Variants in ELP4 observed in about 807,000 individuals in gnomAD.
ELP4 encodes elongator complex protein 4.
In ELP4, 51 loss-of-function variants were observed where a neutral mutation model predicts 48.9. The ratio of observed to expected loss-of-function variants is 1.04; its 90% CI spans 0.83 to 1.32. ELP4 has a LOEUF of 1.32. Among genes scored for constraint, ELP4 ranks in the 40% most tolerant of loss-of-function variants. The pLI is 0.00. For synonymous variants in ELP4, 210 were observed against 189.2 expected (o/e 1.11, Z -0.90); for missense variants, 519 against 514.6 (o/e 1.01, Z -0.08).
intron 3 of ELP4, among the ~76,000 whole-genome samples, chr11:31,543,781 T>G (rs1364718152): frequency 6.6e-6 from 1 of 152,166 alleles, no homozygotes; most frequent in African/African-American, 2.4e-5. Context: ...GAGGAAGTCT[T>G]TAAAATGCTA....
intron 6 of ELP4, 147 bp downstream of exon 6, chr11:31,627,341 C>T: frequency 1.9e-6 from 1 of 527,478 alleles, no homozygotes; most frequent in Non-Finnish European, 3.4e-6. Context: ...ATAAGCAGAG[C>T]ACAAGCAGCC....
At chr11:31,535,928 C>T (rs1956493634) in intron 2 of ELP4, among the ~76,000 whole-genome samples, 1 of 152,044 alleles carries the variant, frequency 6.6e-6, no homozygotes, top group African/African-American at 2.4e-5. Context: ...TATAGTCAGG[C>T]CTCTGTATTA....
chr11:31,591,389 G>A (rs928586755), intron 3 of ELP4, among the ~76,000 whole-genome samples: 3 of 105,846 alleles, frequency 2.8e-5, no homozygotes, highest in South Asian at 3.8e-4. Flanking sequence ...CTGGGTGACA[G>A]AGCGAGACTC....
intron 9 of ELP4, among the ~76,000 whole-genome samples, chr11:31,744,020 G>A (rs2134225563): frequency 6.6e-6 from 1 of 152,190 alleles, no homozygotes; most frequent in South Asian, 2.1e-4. Context: ...AGAAAAGAGA[G>A]AAGAATCAAA....
rs776621433 is a variant in ELP4 at position 31,594,777 on chromosome 11, C to T, written c.389C>T (p.Pro130Leu). Residue 130 changes from proline (P) to leucine (L), a missense_variant, in exon 4 of 10, where the codon CCA (proline) becomes CTA (leucine). By Grantham distance (98) the Pro-to-Leu change is moderately conservative. Coordinates refer to ENST00000640961, the MANE Select transcript of ELP4 (RefSeq NM_019040.5). The part of the protein sequence containing the change: ...EDPANILQEL[P>L]APLLDDKCKK... ...GTCATTTTGTTTTCTTAGGAACTTC[C>T]AGCACCATTACTTGATGATAAATGT... 13 of 1,512,826 alleles carry T rather than the reference C, an allele frequency of 8.6e-6. No individual in the cohort carries two copies. Among genetic ancestry groups the T allele is most frequent in the Middle Eastern group, 1.8e-4 (1 of 5,506 alleles). The allele number at this position is 1,512,826 out of a possible 1,614,324, so 93.7% of individuals were successfully genotyped here.
intron 9 of ELP4, among the ~76,000 whole-genome samples, chr11:31,674,520 T>G (rs1339601949): frequency 1.3e-5 from 2 of 152,176 alleles, no homozygotes; most frequent in Non-Finnish European, 2.9e-5. Context: ...CTAATTTGAA[T>G]AGAAGTCTAT....
chr11:31,782,636 TG>T (rs1948403697), intron 9 of ELP4, among the ~76,000 whole-genome samples: 1 of 152,076 alleles, frequency 6.6e-6, no homozygotes, highest in Non-Finnish European at 1.5e-5. Context: ...GGTCAGTTGC[TG>T]GGGTCAGTTT....
At chr11:31,614,350 T>C (rs1300983911) in intron 5 of ELP4, among the ~76,000 whole-genome samples, 1 of 152,044 alleles carries the variant, frequency 6.6e-6, no homozygotes, top group African/African-American at 2.4e-5. Context: ...TAGAAGTTCT[T>C]AAAGAATGAT....
chr11:31,785,172 T>C lies in ELP4; in HGVS notation c.*1648T>C, dbSNP rs1024950361. ...TTAGTCCATAGATAATAAATAATGTTGTGCGGATACTCCACAAAAGCTCTG... is the reference window on the plus strand; with the variant it reads ...TTAGTCCATAGATAATAAATAATGTCGTGCGGATACTCCACAAAAGCTCTG... On this transcript the variant is annotated 3_prime_UTR_variant, in exon 10 of 10. Transcript: ENST00000640961. The C allele has an allele frequency of 1.6e-5, 3 of 183,484 alleles. No individual in the cohort carries two copies. The highest frequency in any genetic ancestry group is 8.9e-5 in the East Asian group (1 of 11,262). 11.4% of individuals were successfully genotyped at this position (183,484 alleles called of 1,614,324 possible).
chr11:31,533,899 G>T (rs1402576342), intron 2 of ELP4, among the ~76,000 whole-genome samples: 2 of 150,082 alleles, frequency 1.3e-5, no homozygotes, highest in Non-Finnish European at 3.0e-5. Context: ...GCAGTGGAGC[G>T]ATCTCGGCTC....
At chr11:31,774,724 A>G (rs956177914) in intron 9 of ELP4, among the ~76,000 whole-genome samples, 4 of 152,230 alleles carry the variant, frequency 2.6e-5, no homozygotes, top group African/African-American at 9.6e-5. Context: ...CTCACTGCCT[A>G]TCTTCAAGCC....
At chr11:31,599,193 A>G (rs1420688147) in intron 4 of ELP4, 1 of 152,184 alleles carries the variant, frequency 6.6e-6, no homozygotes, top group Non-Finnish European at 1.5e-5. Context: ...ATTAAATATT[A>G]AACTGAGCTA....
chr11:31,650,284 A>G, intron 9 of ELP4, 63 bp downstream of exon 9: 1 of 542,660 alleles, frequency 1.8e-6, no homozygotes, highest in Non-Finnish European at 3.3e-6. Context: ...ACTTATTTTT[A>G]CTTTATTTTA....
intron 9 of ELP4, among the ~76,000 whole-genome samples, chr11:31,694,834 A>C (rs557382626): frequency 2.6e-5 from 4 of 152,042 alleles, no homozygotes; most frequent in Admixed American, 6.6e-5. Flanking sequence ...TTTTTATTTC[A>C]TTGAGCAGTG....
intron 9 of ELP4, among the ~76,000 whole-genome samples, chr11:31,665,742 C>T (rs1945659534): frequency 6.8e-6 from 1 of 146,828 alleles, no homozygotes; most frequent in African/African-American, 2.5e-5. Flanking sequence ...GTAGCCTCAA[C>T]CTCCCAGACT....
intron 2 of ELP4, among the ~76,000 whole-genome samples, chr11:31,534,266 G>GGTGTGTGTGTGTGTGTGT (rs61054150): frequency 2.6e-4 from 38 of 148,234 alleles, no homozygotes; most frequent in African/African-American, 9.2e-4. Context: ...GAGGTGGATT[G>GGTGTGTGTGTGTGTGTGT]GTGTGTGTGT....
At chr11:31,586,563 T>C (rs1379120827) in intron 3 of ELP4, among the ~76,000 whole-genome samples, 1 of 152,092 alleles carries the variant, frequency 6.6e-6, no homozygotes, top group Admixed American at 6.6e-5. Context: ...TCTAAGCAAA[T>C]GAAAGTATTA....
Position 31,784,910 on chromosome 11 carries a change from CAAAA to C in ELP4, c.*1388_*1391del, listed in dbSNP as rs1592315106. On this transcript the variant is annotated 3_prime_UTR_variant, in exon 10 of 10. Coordinates refer to ENST00000640961, the MANE Select transcript of ELP4 (RefSeq NM_019040.5). ...CCAGTTTATTTTTTGTGATCAAAATCAAAAAGACAACTATTTTGTCACCCGCTAT... is the reference window on the plus strand; with the variant it reads ...CCAGTTTATTTTTTGTGATCAAAATCAGACAACTATTTTGTCACCCGCTAT... The C allele has an allele frequency of 2.8e-5, 5 of 179,876 alleles. No individual in the cohort carries two copies. The East Asian group carries it at 4.6e-4, about 16-fold the overall frequency. The allele number at this position is 179,876 out of a possible 1,614,324, so 11.1% of individuals were successfully genotyped here.
At chr11:31,611,963 A>G (rs1043527405) in intron 5 of ELP4, among the ~76,000 whole-genome samples, 1 of 152,212 alleles carries the variant, frequency 6.6e-6, no homozygotes. Context: ...TAATCATGCA[A>G]TGGGCACTGG....
Sources: allele counts gnomAD v4.1 joint callset (sites outside exome capture counted in the v4.1 genomes callset), GRCh38; gene constraint gnomAD v4.1.1; transcripts MANE v1.5; gene names NCBI Gene and HGNC (gene_info 2026-07-23, HGNC 2026-07-21).